Variants in WLS observed in about 807,000 individuals in gnomAD.
WLS encodes Wnt ligand secretion mediator, also known as protein wntless homolog.
A neutral mutation model predicts 62.8 loss-of-function variants in WLS; 23 were observed. The observed-to-expected ratio is 0.37, with a 90% CI of 0.26 to 0.52. WLS has a LOEUF of 0.52. Ranked by LOEUF, WLS falls within the 20% of genes least tolerant of loss-of-function variation. WLS has a pLI of 0.92. For missense variants in WLS, 615 were observed against 697.3 expected, an observed-to-expected ratio of 0.88 and a Z score of 1.33; for synonymous variants, 246 against 244.1, an observed-to-expected ratio of 1.01 and a Z score of -0.07.
chr1:68,194,402 A>G (rs925751225), intron 1 of WLS, among the ~76,000 whole-genome samples, 175 bp from the exon 2 acceptor site: 8 of 152,220 alleles, frequency 5.3e-5, no homozygotes, highest in Admixed American at 2.6e-4. Flanking sequence ...ACTGACCTCC[A>G]GAGGTGTCAT....
intron 11 of WLS, among the ~76,000 whole-genome samples, chr1:68,109,616 TTAA>T (rs1440958124): frequency 6.6e-6 from 1 of 152,034 alleles, no homozygotes; most frequent in East Asian, 1.9e-4. Flanking sequence ...AAAAATGTTA[TTAA>T]AACAGCAGAG....
At chr1:68,198,164 A>G (rs17130567) in intron 1 of WLS, among the ~76,000 whole-genome samples, 31,623 of 152,086 alleles carry the variant, frequency 0.21, 3,502 homozygotes, top group Middle Eastern at 0.28. Context: ...TAGGCCAAAA[A>G]CTACTTCTAC....
Position 68,178,638 on chromosome 1 carries a change from G to A in WLS, c.379+15317C>T, listed in dbSNP as rs538236755. On this transcript the variant is annotated intron_variant, in intron 2 of 11. Coordinates refer to ENST00000262348, the MANE Select transcript of WLS (RefSeq NM_024911.7). ...GGAGAATCACTTGAACCCAGGAGGG[G>A]GAGGTTGCGGTGAGCCAAGATCACG... Among the ~76,000 whole-genome samples, 4 of 151,374 alleles carry A rather than the reference G, an allele frequency of 2.6e-5. No individual in the cohort carries two copies. In the East Asian group the frequency reaches 7.7e-4, roughly 29 times the overall value.
At chr1:68,213,177 G>A (rs548200967) in intron 1 of WLS, among the ~76,000 whole-genome samples, 57 of 152,240 alleles carry the variant, frequency 3.7e-4, no homozygotes, top group African/African-American at 1.3e-3. Flanking sequence ...AAAGCCGGGC[G>A]TGGTGGCTCA....
intron 2 of WLS, among the ~76,000 whole-genome samples, chr1:68,191,502 T>C (rs555326888): frequency 1.3e-5 from 2 of 152,340 alleles, no homozygotes; most frequent in South Asian, 4.1e-4. Context: ...ATTCTTATTA[T>C]AGCACATAAC....
chr1:68,228,575 G>T (rs1290109118), intron 1 of WLS, among the ~76,000 whole-genome samples: 1 of 152,018 alleles, frequency 6.6e-6, no homozygotes, highest in South Asian at 2.1e-4. Flanking sequence ...TTTTTAAGGA[G>T]GATAAAGTTA....
chr1:68,168,550 AG>A (rs1282843646), intron 2 of WLS, among the ~76,000 whole-genome samples: 23 of 152,194 alleles, frequency 1.5e-4, no homozygotes, highest in African/African-American at 5.5e-4. Flanking sequence ...AAGGGGAAAA[AG>A]GAGAGGACAA....
chr1:68,105,729 C>T (rs374225352), intron 11 of WLS, among the ~76,000 whole-genome samples: 18 of 152,140 alleles, frequency 1.2e-4, no homozygotes, highest in African/African-American at 3.4e-4. Flanking sequence ...ATTTTGGCCT[C>T]ACATTAAGGG....
At chr1:68,217,066 C>A (rs556383006) in intron 1 of WLS, among the ~76,000 whole-genome samples, 1 of 152,274 alleles carries the variant, frequency 6.6e-6, no homozygotes, top group East Asian at 1.9e-4. Context: ...AAATGCCCTT[C>A]TTTTTAAATC....
At chr1:68,110,163 A>G in intron 11 of WLS, among the ~76,000 whole-genome samples, 1 of 152,030 alleles carries the variant, frequency 6.6e-6, no homozygotes, top group South Asian at 2.1e-4. Flanking sequence ...ATAAATATGT[A>G]TGAACAAAGG....
chr1:68,223,398 T>TG (rs1223374219), intron 1 of WLS, among the ~76,000 whole-genome samples: 1 of 152,190 alleles, frequency 6.6e-6, no homozygotes, highest in Non-Finnish European at 1.5e-5. Flanking sequence ...AGTAAGGTTT[T>TG]GGGTCATTCC....
intron 1 of WLS, among the ~76,000 whole-genome samples, chr1:68,215,512 G>C (rs984277757): frequency 6.6e-6 from 1 of 152,140 alleles, no homozygotes; most frequent in Non-Finnish European, 1.5e-5. Flanking sequence ...GTGATATGAT[G>C]ATTATCACTG....
At chr1:68,127,109 C>T in intron 11 of WLS, 1 of 403,400 alleles carries the variant, frequency 2.5e-6, no homozygotes, top group Non-Finnish European at 5.0e-6. Flanking sequence ...GCAGGAGGAT[C>T]ACTGGAGCAC....
In WLS at chr1:68,148,596, G is replaced by A. The variant is rs761809939; in HGVS notation, c.1037C>T (p.Ser346Phe). The A allele has an allele frequency of 1.9e-6, 3 of 1,613,982 alleles. No individual in the cohort carries two copies. Among genetic ancestry groups the A allele is most frequent in the African/African-American group, 1.3e-5 (1 of 74,930 alleles). Reference protein sequence around the residue: ...WKQVGPIAVGSFCLFIFDMCE... With the variant: ...WKQVGPIAVGFFCLFIFDMCE... The stretch of plus-strand genomic sequence containing the variant: ...CATGTCAAATATGAAGAGGCAGAAG[G>A]AGCCAACGGCAATGGGTCCGACTTG... Residue 346 changes from serine (S) to phenylalanine (F), a missense_variant, in exon 7 of 12, where the codon TCC becomes TTC. Coordinates refer to ENST00000262348, the MANE Select transcript of WLS (RefSeq NM_024911.7).
At chr1:68,106,704 A>G (rs928306671) in intron 11 of WLS, among the ~76,000 whole-genome samples, 2 of 147,086 alleles carry the variant, frequency 1.4e-5, no homozygotes, top group African/African-American at 5.2e-5. Flanking sequence ...ACGCGTGTGC[A>G]TGTGTTTGTC....
chr1:68,167,620 G>C (rs968582399), intron 2 of WLS, among the ~76,000 whole-genome samples: 1 of 152,128 alleles, frequency 6.6e-6, no homozygotes, highest in South Asian at 2.1e-4. Context: ...TTTCATGGGG[G>C]TACAGTTGTA....
chr1:68,191,014 T>C (rs2566752), intron 2 of WLS, among the ~76,000 whole-genome samples: 59,184 of 149,446 alleles, frequency 0.4, 11,794 homozygotes, highest in East Asian at 0.58. Flanking sequence ...GCCAAGATCG[T>C]ACCATTGCAC....
At chr1:68,180,511 A>C (rs1647494549) in intron 2 of WLS, among the ~76,000 whole-genome samples, 1 of 152,120 alleles carries the variant, frequency 6.6e-6, no homozygotes, top group Non-Finnish European at 1.5e-5. Context: ...TCTAGCCCTC[A>C]TAGGCTCCTA....
At chr1:68,098,658 T>G in exon 12 of WLS, 1 of 1,614,010 alleles carries the variant, frequency 6.2e-7, no homozygotes, top group Middle Eastern at 1.7e-4. Context: ...GCGTTGTCAT[T>G]GATGAAGGAA....
Sources: gnomAD v4.1 joint callset for allele counts (sites outside exome capture counted in the v4.1 genomes callset) on GRCh38, gnomAD v4.1.1 for gene constraint, MANE v1.5 for transcripts, NCBI Gene and HGNC (gene_info 2026-07-23, HGNC 2026-07-21) for gene names.